AGAP1: variants seen among roughly 807,000 people sequenced by gnomAD.
AGAP1 encodes arf-GAP with GTPase, ANK repeat and PH domain-containing protein 1.
AGAP1 carries 29 observed loss-of-function variants against 105.3 expected under a neutral mutation model. The ratio of observed to expected loss-of-function variants is 0.28; its 90% CI spans 0.21 to 0.38. The LOEUF is 0.38. Among genes scored for constraint, AGAP1 ranks in the 10% least tolerant of loss-of-function variants. The pLI is 1.00. For missense variants in AGAP1, 998 were observed against 1,165.1 expected, an observed-to-expected ratio of 0.86 and a Z score of 2.09; for synonymous variants, 509 against 485.9, an observed-to-expected ratio of 1.05 and a Z score of -0.63.
rs981199007 is a variant in AGAP1 at position 235,552,286 on chromosome 2, C to A, written c.163+57437C>A. On this transcript the variant is annotated intron_variant, in intron 1 of 17. Coordinates refer to ENST00000304032, the MANE Select transcript of AGAP1 (RefSeq NM_001037131.3). The surrounding 1 kb of genome is among the most constrained non-coding windows in gnomAD (Gnocchi z 5.9). ...TGCAGGAAAGAGAGAGACATTGGTG[C>A]CAAGAAATCCTATCGGGGACATTTA... 1.3e-5 allele frequency among the ~76,000 whole-genome samples: 2 copies of A among 152,170 alleles called. No individual in the cohort carries two copies. The highest frequency in any genetic ancestry group is 2.9e-5 in the Non-Finnish European group (2 of 68,028).
intron 16 of AGAP1, among the ~76,000 whole-genome samples, chr2:236,059,062 C>G (rs1159520062): frequency 6.6e-6 from 1 of 151,900 alleles, no homozygotes. Flanking sequence ...TGCAGTGGCT[C>G]ATACCTTAAA....
intron 12 of AGAP1, among the ~76,000 whole-genome samples, chr2:235,947,639 C>G (rs764128741): frequency 3.9e-5 from 6 of 152,140 alleles, no homozygotes; most frequent in Non-Finnish European, 8.8e-5. Context: ...CATCTCCCCC[C>G]GACCAGAATT....
In AGAP1 at chr2:235,734,710, C is replaced by A. The variant is rs1331328260; in HGVS notation, c.311-6253C>A. 6.6e-6 allele frequency among the ~76,000 whole-genome samples: 1 copy of A among 152,234 alleles called. No homozygotes were observed. Among genetic ancestry groups the A allele is most frequent in the African/African-American group, 2.4e-5 (1 of 41,458 alleles). On this transcript the variant is annotated intron_variant, in intron 3 of 17. Coordinates refer to ENST00000304032, the MANE Select transcript of AGAP1 (RefSeq NM_001037131.3). The surrounding 1 kb of genome is among the most constrained non-coding windows in gnomAD (Gnocchi z 5.3). ...GTGGAGTAAGGATAAGATAGTCCCG[C>A]CTCTCTGCCTGTTTGATGTTGGCCC...
chr2:235,770,950 T>G (rs1481036935), intron 6 of AGAP1, among the ~76,000 whole-genome samples: 1 of 152,180 alleles, frequency 6.6e-6, no homozygotes. Flanking sequence ...ACCTTCTGAT[T>G]GGGCCCTGAA....
intron 16 of AGAP1, among the ~76,000 whole-genome samples, chr2:236,093,223 G>A (rs1270188421): frequency 2.0e-5 from 3 of 152,062 alleles, no homozygotes; most frequent in African/African-American, 4.8e-5. Flanking sequence ...AAAATATTCC[G>A]CCTCAAGGTG....
chr2:235,956,739 C>G (rs935801787), intron 12 of AGAP1, among the ~76,000 whole-genome samples: 2 of 152,232 alleles, frequency 1.3e-5, no homozygotes, highest in African/African-American at 4.8e-5. Context: ...CTGGGACCTC[C>G]TGTGGGTCAG....
chr2:235,857,103 G>A (rs186999553), intron 9 of AGAP1, among the ~76,000 whole-genome samples: 13 of 152,294 alleles, frequency 8.5e-5, no homozygotes, highest in African/African-American at 3.1e-4. Flanking sequence ...ATGGCAGCCT[G>A]GTACCAGTCT....
chr2:235,710,969 C>T (rs1950827361), intron 2 of AGAP1, among the ~76,000 whole-genome samples: 1 of 152,158 alleles, frequency 6.6e-6, no homozygotes, highest in Admixed American at 6.5e-5. Context: ...CGGTTATCCC[C>T]ATTTCACAGA....
Position 235,631,760 on chromosome 2 carries a change from C to T in AGAP1, c.164-77419C>T, listed in dbSNP as rs1194695736. Among the ~76,000 whole-genome samples the T allele has an allele frequency of 1.3e-5, 2 of 152,210 alleles. No individual in the cohort carries two copies. Among genetic ancestry groups the T allele is most frequent in the Non-Finnish European group, 2.9e-5 (2 of 68,040 alleles). On this transcript the variant is annotated intron_variant, in intron 1 of 17. Transcript: ENST00000304032. This position sits in a 1 kb window ranked among gnomAD's most constrained non-coding sequence, Gnocchi z 5.4. ...CACGGAGCCTTGGAGCTGCCTGTGG[C>T]AGGTGGCGGTGCTAATTAAGTTCCG...
intron 10 of AGAP1, among the ~76,000 whole-genome samples, chr2:235,885,815 C>G (rs114028658): frequency 6.6e-6 from 1 of 152,140 alleles, no homozygotes; most frequent in Non-Finnish European, 1.5e-5. Context: ...ACCTCCCATG[C>G]GTTACTATTC....
chr2:236,112,435 G>A (rs375159307), intron 16 of AGAP1, among the ~76,000 whole-genome samples: 1 of 150,354 alleles, frequency 6.7e-6, no homozygotes, highest in Non-Finnish European at 1.5e-5. Flanking sequence ...AAAGGAAAAC[G>A]AAAGAAAAGC....
rs1955983973 is a variant in AGAP1 at position 235,777,659 on chromosome 2, TGAGCACGTTCAAGCC to T, written c.674-20099_674-20085del. 1.3e-5 allele frequency among the ~76,000 whole-genome samples: 2 copies of T among 152,194 alleles called. No homozygotes were observed. The highest frequency in any genetic ancestry group is 4.8e-5 in the African/African-American group (2 of 41,456). ...GTCCTAAGTGCCTTCAGCTGTCACC[TGAGCACGTTCAAGCC>T]TCCTGCCCAGCACCTTCCTAGAGCA... On this transcript the variant is annotated intron_variant, in intron 6 of 17. Transcript: ENST00000304032. This position sits in a 1 kb window ranked among gnomAD's most constrained non-coding sequence, Gnocchi z 5.1.
chr2:235,700,565 C>T lies in AGAP1; in HGVS notation c.164-8614C>T, dbSNP rs993978677. On this transcript the variant is annotated intron_variant, in intron 1 of 17. Transcript: ENST00000304032. The surrounding 1 kb of genome is among the most constrained non-coding windows in gnomAD (Gnocchi z 6.1). The stretch of plus-strand genomic sequence containing the variant: ...TTGTAATCCCAGCACTTTGGGAGGC[C>T]GAGGCAGGTGGATCATTTGAAGTCA... Among the ~76,000 whole-genome samples, 6 of 151,958 alleles carry T rather than the reference C, an allele frequency of 3.9e-5. No homozygotes were observed. Among genetic ancestry groups the T allele is most frequent in the African/African-American group, 1.5e-4 (6 of 41,360 alleles).
rs558071434 is a variant in AGAP1 at position 235,620,027 on chromosome 2, A to C, written c.164-89152A>C. 1.2e-4 allele frequency among the ~76,000 whole-genome samples: 19 copies of C among 152,256 alleles called. No homozygotes were observed. The highest frequency in any genetic ancestry group is 4.3e-4 in the African/African-American group (18 of 41,562). The stretch of plus-strand genomic sequence containing the variant: ...TGTCTCTGTAGCTGCCTGTGCCTCC[A>C]GGTGTGGTGCTGCCTTCCTGGGCCT... On this transcript the variant is annotated intron_variant, in intron 1 of 17. Transcript: ENST00000304032. The surrounding 1 kb of genome is among the most constrained non-coding windows in gnomAD (Gnocchi z 4.5).
At chr2:235,554,682 T>C (rs1287679788) in intron 1 of AGAP1, among the ~76,000 whole-genome samples, 1 of 152,222 alleles carries the variant, frequency 6.6e-6, no homozygotes, top group Admixed American at 6.5e-5. Context: ...CATTTCTTTC[T>C]TTCTTTCTTT....
chr2:235,845,556 A>ACCTTTCCTTCCAGTTATT lies in AGAP1; in HGVS notation c.1051-37762_1051-37745dup, dbSNP rs553076812. 1.2e-4 allele frequency among the ~76,000 whole-genome samples: 18 copies of ACCTTTCCTTCCAGTTATT among 151,840 alleles called. No homozygotes were observed. The highest frequency in any genetic ancestry group is 3.9e-4 in the East Asian group (2 of 5,146). On this transcript the variant is annotated intron_variant, in intron 9 of 17. Coordinates refer to ENST00000304032, the MANE Select transcript of AGAP1 (RefSeq NM_001037131.3). This position sits in a 1 kb window ranked among gnomAD's most constrained non-coding sequence, Gnocchi z 4.8. ...CGACAGCCCAGCCGGTCGACAGCAG[A>ACCTTTCCTTCCAGTTATT]CCTTTCCTTCCAGTTATTCCTTTCC...
At chr2:235,966,340 C>A (rs1200810777) in intron 12 of AGAP1, among the ~76,000 whole-genome samples, 1 of 151,070 alleles carries the variant, frequency 6.6e-6, no homozygotes. Context: ...GAGAGGGGAG[C>A]CTGTTCCTCT....
rs919112740 is a variant in AGAP1 at position 235,557,473 on chromosome 2, C to T, written c.163+62624C>T. On this transcript the variant is annotated intron_variant, in intron 1 of 17. Coordinates refer to ENST00000304032, the MANE Select transcript of AGAP1 (RefSeq NM_001037131.3). The surrounding 1 kb of genome is among the most constrained non-coding windows in gnomAD (Gnocchi z 4.7). Reference sequence around the variant, plus strand: ...AAAGGCATGAAGTCTGAGTTCATTCCGAAGATTCTGGCTTTTGAGAACTTA... The same window carrying T: ...AAAGGCATGAAGTCTGAGTTCATTCTGAAGATTCTGGCTTTTGAGAACTTA... Among the ~76,000 whole-genome samples the T allele has an allele frequency of 2.0e-5, 3 of 152,042 alleles. No individual in the cohort carries two copies. The highest frequency in any genetic ancestry group is 2.9e-5 in the Non-Finnish European group (2 of 68,012).
chr2:235,898,654 G>C (rs1433000082), intron 10 of AGAP1, among the ~76,000 whole-genome samples: 2 of 152,162 alleles, frequency 1.3e-5, no homozygotes, highest in African/African-American at 2.4e-5. Context: ...AGAGTGGTGA[G>C]AGCTAACATT....
Sources: gnomAD v4.1 joint callset for allele counts (sites outside exome capture counted in the v4.1 genomes callset) on GRCh38, gnomAD v4.1.1 for gene constraint, Gnocchi (gnomAD v3.1) non-coding constraint, MANE v1.5 for transcripts, NCBI Gene and HGNC (gene_info 2026-07-23, HGNC 2026-07-21) for gene names.